CATSPERE: variants seen among roughly 807,000 people sequenced by gnomAD.
The protein encoded by CATSPERE is catsper channel auxiliary subunit epsilon.
CATSPERE carries 93 observed loss-of-function variants against 114.1 expected under a neutral mutation model. The observed-to-expected ratio is 0.81, with a 90% CI of 0.69 to 0.97. CATSPERE has a LOEUF of 0.97. Ranked by LOEUF, CATSPERE falls within the 50% of genes least tolerant of loss-of-function variation. The pLI, the probability that CATSPERE is intolerant of heterozygous loss-of-function variation, is 0.00. For missense variants in CATSPERE, 1,058 were observed against 1,131.6 expected (o/e 0.93, Z 0.93); for synonymous variants, 341 against 384.1 (o/e 0.89, Z 1.31).
At chr1:244,623,286 C>T (rs12116689) in intron 20 of CATSPERE, among the ~76,000 whole-genome samples, 3,759 of 152,104 alleles carry the variant, frequency 0.025, 71 homozygotes, top group Admixed American at 0.051. Flanking sequence ...CCATGTTGGC[C>T]AGGCTGGTCT....
intron 8 of CATSPERE, among the ~76,000 whole-genome samples, chr1:244,550,641 G>C (rs772109791): frequency 2.0e-5 from 3 of 152,202 alleles, no homozygotes; most frequent in Non-Finnish European, 4.4e-5. Flanking sequence ...TTAGAGCCAG[G>C]TGATGTGGCT....
At chr1:244,464,771 C>T (rs1667331210) in intron 2 of CATSPERE, among the ~76,000 whole-genome samples, 1 of 152,012 alleles carries the variant, frequency 6.6e-6, no homozygotes, top group African/African-American at 2.4e-5. Context: ...AGCATCTCTT[C>T]GCATATTATG....
chr1:244,452,840 T>G (rs1665736155), upstream of CATSPERE, among the ~76,000 whole-genome samples: 1 of 152,198 alleles, frequency 6.6e-6, no homozygotes, highest in Admixed American at 6.5e-5. Context: ...GTAACTAGAT[T>G]CTGGTGTATA....
chr1:244,589,726 T>G (rs1184070866), intron 14 of CATSPERE, among the ~76,000 whole-genome samples: 1 of 152,210 alleles, frequency 6.6e-6, no homozygotes, highest in African/African-American at 2.4e-5. Flanking sequence ...GCAGAATGCC[T>G]TCTCAGGCCC....
intron 8 of CATSPERE, among the ~76,000 whole-genome samples, chr1:244,519,440 A>G (rs1378245239): frequency 6.6e-6 from 1 of 152,222 alleles, no homozygotes; most frequent in Non-Finnish European, 1.5e-5. Flanking sequence ...TTGATTAGAA[A>G]AAACTTGATT....
Position 244,602,243 on chromosome 1 carries a change from T to C in CATSPERE, c.2304-3452T>C, listed in dbSNP as rs558090580. On this transcript the variant is annotated intron_variant, in intron 17 of 21. Transcript: ENST00000366534. Reference sequence around the variant, plus strand: ...AAGATAATGAACTGAATACTAGAGGTCAACGACAGAGGGACAAATGGGTAA... The same window carrying C: ...AAGATAATGAACTGAATACTAGAGGCCAACGACAGAGGGACAAATGGGTAA... Among the ~76,000 whole-genome samples the C allele has an allele frequency of 4.6e-5, 7 of 152,166 alleles. 1 individual carries two copies. The South Asian group carries it at 1.5e-3, about 32-fold the overall frequency.
intron 9 of CATSPERE, among the ~76,000 whole-genome samples, chr1:244,556,493 C>T (rs1391098878): frequency 2.6e-5 from 4 of 151,420 alleles, no homozygotes; most frequent in African/African-American, 9.7e-5. Context: ...TTTTAAAAGA[C>T]CAAATTATAC....
chr1:244,459,753 A>G (rs1666492464), upstream of CATSPERE, among the ~76,000 whole-genome samples: 1 of 152,134 alleles, frequency 6.6e-6, no homozygotes, highest in African/African-American at 2.4e-5. Context: ...TCAAACTAGG[A>G]CTCATTATTT....
chr1:244,601,120 T>C (rs1461832676), intron 17 of CATSPERE, among the ~76,000 whole-genome samples: 1 of 152,174 alleles, frequency 6.6e-6, no homozygotes, highest in Non-Finnish European at 1.5e-5. Flanking sequence ...CATGAAAATG[T>C]AGTCATTAAA....
intron 19 of CATSPERE, among the ~76,000 whole-genome samples, chr1:244,612,561 C>A (rs530237860): frequency 1.3e-5 from 2 of 152,258 alleles, no homozygotes; most frequent in African/African-American, 2.4e-5. Flanking sequence ...TACATCCACA[C>A]GATACAGAAT....
At chr1:244,543,779 A>T (rs1165870894) in intron 8 of CATSPERE, among the ~76,000 whole-genome samples, 1 of 151,704 alleles carries the variant, frequency 6.6e-6, no homozygotes, top group Non-Finnish European at 1.5e-5. Flanking sequence ...ATAAGAGAGG[A>T]TTCTTCTTTG....
chr1:244,593,592 C>T lies in CATSPERE; in HGVS notation c.2303+14C>T. 2 of 1,596,348 alleles carry T rather than the reference C, an allele frequency of 1.3e-6. No homozygotes were observed. Among genetic ancestry groups the T allele is most frequent in the Admixed American group, 3.4e-5 (2 of 58,252 alleles). The stretch of plus-strand genomic sequence containing the variant: ...TGTGGTTCAACTGTAAGTATATTCT[C>T]ATCAACATTTTAACTTATATTGAAA... On this transcript the variant is annotated intron_variant, in intron 17 of 21. Coordinates refer to ENST00000366534, the MANE Select transcript of CATSPERE (RefSeq NM_001130957.2).
chr1:244,617,692 T>C lies in CATSPERE; in HGVS notation c.2648+6T>C. 6.5e-7 allele frequency: 1 copy of C among 1,528,906 alleles called. No individual in the cohort carries two copies. Among genetic ancestry groups the C allele is most frequent in the Non-Finnish European group, 8.8e-7 (1 of 1,140,990 alleles). 94.7% of individuals were successfully genotyped at this position (1,528,906 alleles called of 1,614,324 possible). A position where few individuals can be genotyped will look rare whatever the true frequency, so the allele number is the denominator to read the frequency against. Reference sequence around the variant, plus strand: ...ATCCTGGATCCAAACTATAGGTGAATATATGTGTTACTGTAATAGTGTTAG... The same window carrying C: ...ATCCTGGATCCAAACTATAGGTGAACATATGTGTTACTGTAATAGTGTTAG... On this transcript the variant is annotated splice_donor_region_variant and intron_variant, in intron 20 of 21. Coordinates refer to ENST00000366534, the MANE Select transcript of CATSPERE (RefSeq NM_001130957.2).
Position 244,562,270 on chromosome 1 carries a change from C to T in CATSPERE, c.1507+1125C>T, listed in dbSNP as rs151247949. Among the ~76,000 whole-genome samples, 265 of 151,932 alleles carry T rather than the reference C, an allele frequency of 1.7e-3. 2 individuals are homozygous for T. Among genetic ancestry groups the T allele is most frequent in the African/African-American group, 6.1e-3 (252 of 41,390 alleles). On this transcript the variant is annotated intron_variant, in intron 10 of 21. Transcript: ENST00000366534. ...ACATATAATAGATATAAAACGAATG[C>T]CATTTTAACTGCTGTGTATTGTTCC...
intron 8 of CATSPERE, among the ~76,000 whole-genome samples, chr1:244,540,074 A>G (rs1375727786): frequency 4.0e-5 from 6 of 151,250 alleles, no homozygotes; most frequent in Non-Finnish European, 8.9e-5. Flanking sequence ...AAAAACTGGA[A>G]GCATTCCCTT....
chr1:244,463,125 A>G (rs1409437099), intron 1 of CATSPERE, among the ~76,000 whole-genome samples: 2 of 152,212 alleles, frequency 1.3e-5, no homozygotes, highest in African/African-American at 4.8e-5. Context: ...ATTATTTTAT[A>G]CTGATTACAT....
intron 2 of CATSPERE, among the ~76,000 whole-genome samples, chr1:244,468,992 T>C (rs1219319362): frequency 1.3e-5 from 2 of 152,190 alleles, no homozygotes; most frequent in African/African-American, 4.8e-5. Context: ...ATGAAAAGCA[T>C]GTCTAAAAAA....
chr1:244,472,330 C>G (rs761807556), intron 2 of CATSPERE, among the ~76,000 whole-genome samples: 1 of 152,168 alleles, frequency 6.6e-6, no homozygotes, highest in Non-Finnish European at 1.5e-5. Flanking sequence ...TCTCATTGTT[C>G]TGCATATTGA....
chr1:244,508,586 C>A (rs1307762511), intron 7 of CATSPERE, among the ~76,000 whole-genome samples: 5 of 151,418 alleles, frequency 3.3e-5, no homozygotes, highest in Non-Finnish European at 5.9e-5. Flanking sequence ...CAGGCGTGAG[C>A]CACTGCGCCT....
Sources: gnomAD v4.1 joint callset for allele counts (sites outside exome capture counted in the v4.1 genomes callset) on GRCh38, gnomAD v4.1.1 for gene constraint, MANE v1.5 for transcripts, NCBI Gene and HGNC (gene_info 2026-07-23, HGNC 2026-07-21) for gene names.